The following NKAIN2 variants were observed in gnomAD, a reference collection of about 807,000 sequenced individuals.
The protein encoded by NKAIN2 is sodium/potassium transporting ATPase interacting 2.
A neutral mutation model predicts 32.6 loss-of-function variants in NKAIN2; 14 were observed. That is an observed-to-expected ratio of 0.43 (90% CI 0.28 to 0.67). NKAIN2 has a LOEUF of 0.67. NKAIN2 is among the 30% of genes least tolerant of loss of function. The pLI is 0.17. For synonymous variants in NKAIN2, 80 were observed against 87.2 expected (o/e 0.92, Z 0.46); for missense variants, 198 against 258.3 (o/e 0.77, Z 1.60).
chr6:124,496,931 A>T (rs7745466), intron 3 of NKAIN2, among the ~76,000 whole-genome samples: 11,163 of 152,078 alleles, frequency 0.073, 1,153 homozygotes, highest in African/African-American at 0.23. Flanking sequence ...ATAAGTGGCA[A>T]TATTGTTGCT....
chr6:124,140,375 T>C (rs990259365), intron 1 of NKAIN2, among the ~76,000 whole-genome samples: 2 of 152,236 alleles, frequency 1.3e-5, no homozygotes, highest in African/African-American at 4.8e-5. Context: ...TTGACATTTC[T>C]CTTGGTGTGA....
intron 1 of NKAIN2, among the ~76,000 whole-genome samples, chr6:123,974,237 A>G (rs1047687838): frequency 6.6e-6 from 1 of 152,162 alleles, no homozygotes; most frequent in Non-Finnish European, 1.5e-5. Context: ...ATACTTTCCA[A>G]AATTAGTGAA....
intron 1 of NKAIN2, among the ~76,000 whole-genome samples, chr6:124,178,351 G>T (rs1348736389): frequency 6.7e-6 from 1 of 150,320 alleles, no homozygotes; most frequent in South Asian, 2.1e-4. Flanking sequence ...AGGCTGGAGC[G>T]CAGTGGCATG....
chr6:124,474,862 T>TATATACATATATAA (rs200088035), intron 3 of NKAIN2, among the ~76,000 whole-genome samples: 5 of 139,452 alleles, frequency 3.6e-5, no homozygotes, highest in African/African-American at 1.0e-4. Context: ...CATATATATT[T>TATATACATATATAA]TATATACATA....
intron 3 of NKAIN2, among the ~76,000 whole-genome samples, chr6:124,471,561 A>G (rs537760878): frequency 1.7e-3 from 255 of 152,284 alleles, no homozygotes; most frequent in African/African-American, 5.8e-3. Context: ...CAGCTGCTTT[A>G]TTAAAATATT....
intron 2 of NKAIN2, among the ~76,000 whole-genome samples, chr6:124,326,809 TCTTAA>T (rs1239109148): frequency 1.3e-5 from 2 of 152,180 alleles, no homozygotes; most frequent in African/African-American, 2.4e-5. Context: ...TATTTTTGTT[TCTTAA>T]CTTGAGTAAT....
intron 2 of NKAIN2, among the ~76,000 whole-genome samples, chr6:124,348,222 G>C (rs1353364229): frequency 1.3e-5 from 2 of 152,094 alleles, no homozygotes; most frequent in African/African-American, 2.4e-5. Flanking sequence ...GTACCCGGCT[G>C]TGTGAGGTGT....
Position 124,395,527 on chromosome 6 carries a change from G to C in NKAIN2, c.273+40180G>C, listed in dbSNP as rs1182946465. On this transcript the variant is annotated intron_variant, in intron 3 of 6. Transcript: ENST00000368417. ...GTTTTCCAAAAGAGATAAAAGAAATGGTTAATAAAATTGAGATACTCATGG... is the reference window on the plus strand; with the variant it reads ...GTTTTCCAAAAGAGATAAAAGAAATCGTTAATAAAATTGAGATACTCATGG... Among the ~76,000 whole-genome samples the C allele has an allele frequency of 4.6e-5, 7 of 152,190 alleles. No homozygotes were observed. In the East Asian group the frequency reaches 1.4e-3, roughly 29 times the overall value.
At chr6:124,372,871 T>G (rs1326922912) in intron 3 of NKAIN2, among the ~76,000 whole-genome samples, 1 of 152,228 alleles carries the variant, frequency 6.6e-6, no homozygotes, top group African/African-American at 2.4e-5. Context: ...CACATTTGAT[T>G]GAACTTAAGC....
chr6:124,104,260 T>G (rs1048970005), intron 1 of NKAIN2, among the ~76,000 whole-genome samples: 1 of 152,160 alleles, frequency 6.6e-6, no homozygotes, highest in African/African-American at 2.4e-5. Flanking sequence ...ATTCAGTATC[T>G]TCATGGAAAA....
intron 5 of NKAIN2, among the ~76,000 whole-genome samples, chr6:124,792,199 TG>T (rs979145657): frequency 3.9e-5 from 6 of 152,172 alleles, no homozygotes; most frequent in Non-Finnish European, 7.3e-5. Flanking sequence ...TCATCTTTCT[TG>T]GTTTCAAAAA....
chr6:124,483,765 G>A (rs887019829), intron 3 of NKAIN2, among the ~76,000 whole-genome samples: 2 of 151,864 alleles, frequency 1.3e-5, no homozygotes, highest in African/African-American at 4.8e-5. Context: ...AATAAAAATT[G>A]TGCAATTAAC....
At chr6:124,439,153 C>T (rs78156880) in intron 3 of NKAIN2, among the ~76,000 whole-genome samples, 3 of 152,236 alleles carry the variant, frequency 2.0e-5, no homozygotes, top group East Asian at 1.9e-4. Flanking sequence ...AAACAACTCC[C>T]GATTTTCGCA....
intron 3 of NKAIN2, among the ~76,000 whole-genome samples, chr6:124,542,955 A>C (rs1779963266): frequency 6.6e-6 from 1 of 152,208 alleles, no homozygotes; most frequent in East Asian, 1.9e-4. Context: ...AGATAGTCTG[A>C]ATTTCTAAAT....
chr6:124,195,465 T>C (rs553608140), intron 1 of NKAIN2, among the ~76,000 whole-genome samples: 2 of 152,222 alleles, frequency 1.3e-5, no homozygotes, highest in South Asian at 2.1e-4. Context: ...TGCCCACACT[T>C]ACTTGCTAGA....
At chr6:124,686,118 C>T (rs1412447836) in intron 4 of NKAIN2, among the ~76,000 whole-genome samples, 1 of 151,976 alleles carries the variant, frequency 6.6e-6, no homozygotes, top group Non-Finnish European at 1.5e-5. Context: ...CAGACTCTTT[C>T]AGCTCCTATA....
intron 3 of NKAIN2, among the ~76,000 whole-genome samples, chr6:124,388,564 A>G (rs1054717208): frequency 6.6e-6 from 1 of 151,502 alleles, no homozygotes; most frequent in Admixed American, 6.6e-5. Flanking sequence ...TGTAATGCAG[A>G]CCTCCTACTT....
intron 4 of NKAIN2, among the ~76,000 whole-genome samples, chr6:124,770,945 AAAG>A (rs1302952605): frequency 6.6e-6 from 1 of 152,232 alleles, no homozygotes; most frequent in Non-Finnish European, 1.5e-5. Context: ...AGAAAATTGT[AAAG>A]AAAAGAGAGT....
intron 2 of NKAIN2, among the ~76,000 whole-genome samples, chr6:124,313,313 CT>C (rs760075430): frequency 3.3e-5 from 5 of 151,650 alleles, no homozygotes; most frequent in South Asian, 2.1e-4. Context: ...GTGGAAACAT[CT>C]TTTTTTTTAT....
Sources: allele counts gnomAD v4.1 joint callset (sites outside exome capture counted in the v4.1 genomes callset), GRCh38; gene constraint gnomAD v4.1.1; transcripts MANE v1.5; gene names NCBI Gene and HGNC (gene_info 2026-07-23, HGNC 2026-07-21).